Variants in TXNRD1 observed in about 807,000 individuals in gnomAD.
The protein encoded by TXNRD1 is thioredoxin reductase 1, cytoplasmic.
In TXNRD1, 57 loss-of-function variants were observed where a neutral mutation model predicts 80.3. That is an observed-to-expected ratio of 0.71 (90% CI 0.57 to 0.89). The LOEUF is 0.89. Among genes scored for constraint, TXNRD1 ranks in the 40% least tolerant of loss-of-function variants. The pLI, the probability that TXNRD1 is intolerant of heterozygous loss-of-function variation, is 0.00. For synonymous variants in TXNRD1, 291 were observed against 285.2 expected (o/e 1.02, Z -0.20); for missense variants, 730 against 803.0 (o/e 0.91, Z 1.10).
intron 4 of TXNRD1, chr12:104,303,926 G>A: frequency 6.3e-7 from 1 of 1,577,984 alleles, no homozygotes; most frequent in Non-Finnish European, 8.6e-7. Context: ...GGCGGCGGAG[G>A]GAGCGCTGAT....
At chr12:104,254,644 A>AAAAAAATATATATATAT in intron 2 of TXNRD1, among the ~76,000 whole-genome samples, 3 of 93,634 alleles carry the variant, frequency 3.2e-5, no homozygotes, top group East Asian at 5.4e-4. Flanking sequence ...AAAAAAAAAA[A>AAAAAAATATATATATAT]ATATATATAT....
In TXNRD1 at chr12:104,304,360, T is replaced by G. The variant is rs750298650; in HGVS notation, c.415-6930T>G. On this transcript the variant is annotated intron_variant, in intron 4 of 16. Coordinates refer to ENST00000525566, the MANE Select transcript of TXNRD1 (RefSeq NM_001093771.3). ...GCGATCCTGACAAGTTGAGTGATTG[T>G]GATGATAGCATAGCTCTTTCCTTCT... 9.0e-5 allele frequency: 146 copies of G among 1,613,914 alleles called. No homozygotes were observed. Among genetic ancestry groups the G allele is most frequent in the Non-Finnish European group, 1.2e-4 (142 of 1,179,904 alleles).
At position 104,289,015 on chromosome 12, in the gene TXNRD1, T is replaced by C. The variant is rs541123877; in HGVS notation, c.389T>C (p.Ile130Thr). The C allele has an allele frequency of 6.8e-5, 110 of 1,613,986 alleles. No homozygotes were observed. In the East Asian group the frequency reaches 1.7e-3, roughly 25 times the overall value. ...GTTGTGTTTGTGAAACAGAGAAAGA[T>C]AGGCGGCCATGGTCCAACCTTGAAG... ...LPVVFVKQRK[I>T]GGHGPTLKAY... Residue 130 changes from isoleucine (I) to threonine (T), a missense_variant, in exon 4 of 17, where the codon ATA (isoleucine) becomes ACA (threonine). Coordinates refer to ENST00000525566, the MANE Select transcript of TXNRD1 (RefSeq NM_001093771.3).
At chr12:104,331,761 T>C in intron 14 of TXNRD1, 120 bp downstream of exon 14, 1 of 635,902 alleles carries the variant, frequency 1.6e-6, no homozygotes. Context: ...TTATCCAGAT[T>C]CATATATTAC....
At chr12:104,293,566 T>G (rs1391278203) in intron 4 of TXNRD1, among the ~76,000 whole-genome samples, 2 of 152,158 alleles carry the variant, frequency 1.3e-5, no homozygotes, top group African/African-American at 2.4e-5. Flanking sequence ...TCCTCCCACC[T>G]CAGCCTCCCG....
At chr12:104,327,720 C>CAA (rs2035813468) in intron 13 of TXNRD1, 49 bp downstream of exon 13, 1 of 1,567,324 alleles carries the variant, frequency 6.4e-7, no homozygotes, top group Non-Finnish European at 8.7e-7. Flanking sequence ...AGTAATACTC[C>CAA]CAGTTCCTTA....
intron 1 of TXNRD1, among the ~76,000 whole-genome samples, chr12:104,228,489 G>A (rs1251006545): frequency 6.6e-6 from 1 of 151,640 alleles, no homozygotes; most frequent in Non-Finnish European, 1.5e-5. Context: ...AAATTAGTCG[G>A]GCGTGGTGGC....
chr12:104,228,280 A>G (rs1385254905), intron 1 of TXNRD1, among the ~76,000 whole-genome samples: 1 of 144,108 alleles, frequency 6.9e-6, no homozygotes, highest in Non-Finnish European at 1.5e-5. Context: ...TCAGCCTGGC[A>G]ACAAGAGCAA....
chr12:104,289,813 A>G (rs1325013600), intron 4 of TXNRD1, among the ~76,000 whole-genome samples: 1 of 151,480 alleles, frequency 6.6e-6, no homozygotes, highest in East Asian at 1.9e-4. Context: ...TATCACTGCA[A>G]CCTCCACCTC....
intron 3 of TXNRD1, 168 bp from the exon 4 acceptor site, chr12:104,288,763 T>TC (rs2034063649): frequency 6.6e-7 from 1 of 1,512,776 alleles, no homozygotes; most frequent in Non-Finnish European, 8.9e-7. Flanking sequence ...GATTGTGAGT[T>TC]CTAGCCTTTG....
At chr12:104,342,618 G>A (rs916628042) in intron 16 of TXNRD1, among the ~76,000 whole-genome samples, 2 of 151,398 alleles carry the variant, frequency 1.3e-5, no homozygotes, top group Non-Finnish European at 2.9e-5. Flanking sequence ...CCTCAATATT[G>A]GCATAGCTTA....
At chr12:104,220,734 A>G (rs1338134630) in intron 1 of TXNRD1, among the ~76,000 whole-genome samples, 1 of 42,224 alleles carries the variant, frequency 2.4e-5, no homozygotes. Context: ...TCCAAAAAAA[A>G]AAAAACGGTG....
In TXNRD1 at chr12:104,305,631, C is replaced by T. The variant is rs145109864; in HGVS notation, c.415-5659C>T. 2.2e-3 allele frequency among the ~76,000 whole-genome samples: 338 copies of T among 152,274 alleles called. 1 individual carries two copies. The highest frequency in any genetic ancestry group is 7.8e-3 in the African/African-American group (326 of 41,562). ...TGTTAGAAGTTAGGCACGAGAGGACCATTAGATTTATGGAAAAACTATTAT... is the reference window on the plus strand; with the variant it reads ...TGTTAGAAGTTAGGCACGAGAGGACTATTAGATTTATGGAAAAACTATTAT... On this transcript the variant is annotated intron_variant, in intron 4 of 16. Coordinates refer to ENST00000525566, the MANE Select transcript of TXNRD1 (RefSeq NM_001093771.3).
At chr12:104,226,483 A>G (rs1193793710) in intron 1 of TXNRD1, among the ~76,000 whole-genome samples, 1 of 152,214 alleles carries the variant, frequency 6.6e-6, no homozygotes, top group Admixed American at 6.5e-5. Flanking sequence ...GATCCCCAAT[A>G]TAAGATGATC....
chr12:104,323,803 G>T (rs868602524), intron 10 of TXNRD1, among the ~76,000 whole-genome samples: 1,800 of 120,388 alleles, frequency 0.015, 28 homozygotes, highest in African/African-American at 0.046. Flanking sequence ...GCCGGGCGGG[G>T]GGGCTGACCC....
At chr12:104,260,527 A>C (rs1179230235) in intron 3 of TXNRD1, among the ~76,000 whole-genome samples, 1 of 152,118 alleles carries the variant, frequency 6.6e-6, no homozygotes, top group Non-Finnish European at 1.5e-5. Context: ...CCCTAACTTC[A>C]TATAAATACT....
At chr12:104,298,975 C>CTT (rs2034523232) in intron 4 of TXNRD1, among the ~76,000 whole-genome samples, 1 of 152,088 alleles carries the variant, frequency 6.6e-6, no homozygotes, top group South Asian at 2.1e-4. Flanking sequence ...TTCCAGGACC[C>CTT]TTGTGTATAC....
intron 15 of TXNRD1, among the ~76,000 whole-genome samples, chr12:104,336,335 G>A (rs568372869): frequency 6.6e-6 from 1 of 152,344 alleles, no homozygotes; most frequent in East Asian, 1.9e-4. Flanking sequence ...TAGGGTGACA[G>A]TGTTTTCGGT....
In TXNRD1 at chr12:104,251,516, A is replaced by T. The variant is rs760833582; in HGVS notation, c.92-11A>T. On this transcript the variant is annotated splice_polypyrimidine_tract_variant and intron_variant, in intron 1 of 16. Transcript: ENST00000525566. ...TGTGATAATTACCATCCTTACTTCC[A>T]TTACTTCTAGCTAAAGATCATCACC... The T allele has an allele frequency of 6.2e-7, 1 of 1,612,670 alleles. No individual in the cohort carries two copies. Among genetic ancestry groups the T allele is most frequent in the Non-Finnish European group, 8.5e-7 (1 of 1,179,258 alleles).
Sources: gnomAD v4.1 joint callset for allele counts (sites outside exome capture counted in the v4.1 genomes callset) on GRCh38, gnomAD v4.1.1 for gene constraint, MANE v1.5 for transcripts, NCBI Gene and HGNC (gene_info 2026-07-23, HGNC 2026-07-21) for gene names.